MYO3B: variants seen among roughly 807,000 people sequenced by gnomAD.
MYO3B encodes myosin-IIIb.
In MYO3B, 156 loss-of-function variants were observed where a neutral mutation model predicts 174.6. That is an observed-to-expected ratio of 0.89 (90% CI 0.78 to 1.02). The LOEUF (loss-of-function observed/expected upper bound fraction) is 1.02, where lower values mean the gene tolerates loss of function less well. Ranked by LOEUF, MYO3B falls within the 50% of genes least tolerant of loss-of-function variation. The probability of loss-of-function intolerance (pLI) is 0.00; values close to 1 mark genes in which losing one functional copy is unlikely to be tolerated. For synonymous variants in MYO3B, 563 were observed against 569.1 expected (o/e 0.99, Z 0.15); for missense variants, 1,632 against 1,639.4 (o/e 1.00, Z 0.08).
intron 7 of MYO3B, among the ~76,000 whole-genome samples, chr2:170,314,104 G>A (rs1460978726): frequency 6.6e-6 from 1 of 152,124 alleles, no homozygotes; most frequent in Non-Finnish European, 1.5e-5. Context: ...CATCCTGCTG[G>A]CCTTCTATTC....
chr2:170,242,892 T>C (rs1313475701), intron 7 of MYO3B, among the ~76,000 whole-genome samples: 1 of 152,202 alleles, frequency 6.6e-6, no homozygotes, highest in Non-Finnish European at 1.5e-5. Context: ...GTTTCCTCTC[T>C]ACTCCAGAAA....
intron 7 of MYO3B, among the ~76,000 whole-genome samples, chr2:170,263,670 T>G (rs1400337696): frequency 1.2e-4 from 18 of 152,128 alleles, no homozygotes; most frequent in Non-Finnish European, 4.4e-5. Flanking sequence ...CCTCCAGCCT[T>G]AAGGTGATTT....
chr2:170,553,167 C>T (rs1575155670), intron 32 of MYO3B, among the ~76,000 whole-genome samples: 1 of 152,272 alleles, frequency 6.6e-6, no homozygotes, highest in East Asian at 1.9e-4. Context: ...ACACAGAGTC[C>T]CCACTGGAGT....
chr2:170,616,844 T>C (rs566555863), intron 32 of MYO3B, among the ~76,000 whole-genome samples: 3 of 152,356 alleles, frequency 2.0e-5, no homozygotes, highest in African/African-American at 7.2e-5. Context: ...AGTTTGCTTA[T>C]GTCTAAAGCT....
chr2:170,381,291 A>G (rs990009656), intron 9 of MYO3B, among the ~76,000 whole-genome samples: 1 of 152,360 alleles, frequency 6.6e-6, no homozygotes. Context: ...ATAGATAAAT[A>G]GAGTTTAAAA....
At chr2:170,313,944 A>T (rs1332570463) in intron 7 of MYO3B, among the ~76,000 whole-genome samples, 1 of 152,168 alleles carries the variant, frequency 6.6e-6, no homozygotes, top group Non-Finnish European at 1.5e-5. Context: ...CTGCATGGAT[A>T]ATTACTGCCA....
intron 1 of MYO3B, among the ~76,000 whole-genome samples, chr2:170,190,671 T>C (rs1195688188): frequency 1.3e-5 from 2 of 152,128 alleles, no homozygotes; most frequent in East Asian, 1.9e-4. Flanking sequence ...CCAATGTTCA[T>C]TCAAGGCCCA....
intron 32 of MYO3B, among the ~76,000 whole-genome samples, chr2:170,562,271 T>A (rs1398478692): frequency 6.6e-6 from 1 of 152,238 alleles, no homozygotes; most frequent in South Asian, 2.1e-4. Flanking sequence ...TTTTTCCTGG[T>A]TCTCATTCAT....
chr2:170,370,883 GCTCT>G (rs147634999), intron 9 of MYO3B, among the ~76,000 whole-genome samples: 46 of 149,800 alleles, frequency 3.1e-4, no homozygotes, highest in Admixed American at 1.1e-3. Context: ...CCAGATCTAT[GCTCT>G]CTCTCTCTCT....
intron 29 of MYO3B, among the ~76,000 whole-genome samples, chr2:170,515,726 A>G (rs1688263204): frequency 6.6e-6 from 1 of 152,078 alleles, no homozygotes; most frequent in Admixed American, 6.5e-5. Flanking sequence ...ATTTTGTGGT[A>G]GAATTTACAG....
intron 7 of MYO3B, among the ~76,000 whole-genome samples, chr2:170,314,367 T>C (rs971656888): frequency 9.2e-5 from 14 of 152,214 alleles, no homozygotes; most frequent in African/African-American, 3.4e-4. Flanking sequence ...TTCATCTCAA[T>C]GAAGTGTGTG....
At chr2:170,399,618 A>G (rs1016790977) in intron 16 of MYO3B, among the ~76,000 whole-genome samples, 1 of 152,112 alleles carries the variant, frequency 6.6e-6, no homozygotes, top group African/African-American at 2.4e-5. Context: ...TAACTTTAAA[A>G]TGTTCTAGGA....
rs115575566 is a variant in MYO3B, at chr2:170,419,786, G to A, written c.2650+11942G>A. On this transcript the variant is annotated intron_variant, in intron 22 of 34. Coordinates refer to ENST00000408978, the MANE Select transcript of MYO3B (RefSeq NM_138995.5). ...GGGAGCTAGCCTAGAGAAGGTGAGC[G>A]GAGAGAAGAACCCTCCAAGCCCGTG... is the stretch of plus-strand genomic sequence containing the variant. Among the ~76,000 whole-genome samples the A allele has an allele frequency of 1.9e-3, 290 of 152,248 alleles. 3 individuals are homozygous for A. Among genetic ancestry groups the A allele is most frequent in the African/African-American group, 6.8e-3 (281 of 41,552 alleles).
At chr2:170,230,257 C>T (rs2092999868) in intron 6 of MYO3B, among the ~76,000 whole-genome samples, 1 of 149,754 alleles carries the variant, frequency 6.7e-6, no homozygotes, top group South Asian at 2.1e-4. Flanking sequence ...GCAACCTCCG[C>T]CTCCCATGTT....
At chr2:170,406,551 G>A (rs1406668702) in intron 21 of MYO3B, among the ~76,000 whole-genome samples, 1 of 151,918 alleles carries the variant, frequency 6.6e-6, no homozygotes, top group Non-Finnish European at 1.5e-5. Flanking sequence ...AGCATATTAA[G>A]GTCCTCCTCA....
intron 32 of MYO3B, among the ~76,000 whole-genome samples, chr2:170,600,128 TTGTTG>T (rs1694418608): frequency 7.4e-6 from 1 of 134,742 alleles, no homozygotes; most frequent in East Asian, 1.9e-4. Context: ...TTCCTTGTTG[TTGTTG>T]TTTTTTTTTA....
At chr2:170,273,569 A>G (rs911959046) in intron 7 of MYO3B, among the ~76,000 whole-genome samples, 2 of 152,062 alleles carry the variant, frequency 1.3e-5, no homozygotes, top group Admixed American at 6.6e-5. Context: ...ATCGTTCTTT[A>G]TGTTTAACAC....
intron 30 of MYO3B, among the ~76,000 whole-genome samples, chr2:170,533,254 G>A (rs1293029981): frequency 2.0e-5 from 3 of 152,056 alleles, no homozygotes; most frequent in African/African-American, 7.2e-5. Flanking sequence ...TTCTGAAAAT[G>A]TCCGTCCCTC....
chr2:170,319,213 A>T (rs2093797814), intron 7 of MYO3B, among the ~76,000 whole-genome samples: 1 of 152,202 alleles, frequency 6.6e-6, no homozygotes, highest in Non-Finnish European at 1.5e-5. Flanking sequence ...TTTCTAGGTT[A>T]TAAATTTGAT....
Sources: gnomAD v4.1 joint callset for allele counts (sites outside exome capture counted in the v4.1 genomes callset) on GRCh38, gnomAD v4.1.1 for gene constraint, MANE v1.5 for transcripts, NCBI Gene and HGNC (gene_info 2026-07-23, HGNC 2026-07-21) for gene names.